The following CDYL variants were observed in gnomAD, a reference collection of about 807,000 sequenced individuals.
CDYL encodes chromodomain Y-like protein.
In CDYL, 8 loss-of-function variants were observed where a neutral mutation model predicts 47.3. The ratio of observed to expected loss-of-function variants is 0.17; its 90% CI spans 0.10 to 0.31. CDYL has a LOEUF of 0.31. CDYL is among the 10% of genes least tolerant of loss of function. The pLI, the probability that CDYL is intolerant of heterozygous loss-of-function variation, is 1.00. For missense variants in CDYL, 471 were observed against 701.4 expected, an observed-to-expected ratio of 0.67 and a Z score of 3.71; for synonymous variants, 266 against 265.0, an observed-to-expected ratio of 1.00 and a Z score of -0.04.
At chr6:4,723,190 T>G (rs552926097) in intron 2 of CDYL, among the ~76,000 whole-genome samples, 1 of 152,210 alleles carries the variant, frequency 6.6e-6, no homozygotes, top group Non-Finnish European at 1.5e-5. Context: ...ACTATTTACA[T>G]AGCATTTACA....
chr6:4,720,179 G>A (rs777259432), intron 2 of CDYL, among the ~76,000 whole-genome samples: 8 of 152,200 alleles, frequency 5.3e-5, no homozygotes, highest in Non-Finnish European at 8.8e-5. Flanking sequence ...AAAAAAACTT[G>A]TAAACATTGA....
intron 6 of CDYL, 100 bp downstream of exon 6, chr6:4,952,509 TTG>T: frequency 7.4e-7 from 1 of 1,354,202 alleles, no homozygotes; most frequent in East Asian, 2.5e-5. Context: ...TCCTTTACGT[TTG>T]TCCTCAACAG....
chr6:4,709,400 G>T (rs985605253), intron 1 of CDYL, among the ~76,000 whole-genome samples: 1 of 152,180 alleles, frequency 6.6e-6, no homozygotes, highest in African/African-American at 2.4e-5. Context: ...ATTTCATCAT[G>T]TTGGTCAAGC....
At chr6:4,946,214 A>ATGG (rs1758512453) in intron 5 of CDYL, among the ~76,000 whole-genome samples, 1 of 152,084 alleles carries the variant, frequency 6.6e-6, no homozygotes, top group African/African-American at 2.4e-5. Context: ...TGCCCCCTCC[A>ATGG]TGGCGGATGC....
At chr6:4,888,169 T>A (rs1761949203) in intron 1 of CDYL, among the ~76,000 whole-genome samples, 1 of 152,128 alleles carries the variant, frequency 6.6e-6, no homozygotes, top group Non-Finnish European at 1.5e-5. Context: ...ATGTCTTTTG[T>A]TTTGGTATTA....
rs183976011 is a variant in CDYL at position 4,896,466 on chromosome 6, C to T, written c.691+4087C>T. On this transcript the variant is annotated intron_variant, in intron 2 of 6. Transcript: ENST00000397588. Reference sequence around the variant, plus strand: ...TGGAGTGATTCCAGTAGAATGGGTGCGCATGGAAGACAAGGGTTGTTGTAA... The same window carrying T: ...TGGAGTGATTCCAGTAGAATGGGTGTGCATGGAAGACAAGGGTTGTTGTAA... Among the ~76,000 whole-genome samples, 240 of 152,172 alleles carry T rather than the reference C, an allele frequency of 1.6e-3. 1 individual carries two copies. The highest frequency in any genetic ancestry group is 2.3e-3 in the Non-Finnish European group (157 of 68,006).
intron 3 of CDYL, among the ~76,000 whole-genome samples, chr6:4,752,357 A>G (rs946804157): frequency 6.6e-6 from 1 of 152,176 alleles, no homozygotes; most frequent in Non-Finnish European, 1.5e-5. Context: ...TTAAAGCTGT[A>G]AGTCATTCAG....
At chr6:4,855,102 C>T (rs73364577) in intron 1 of CDYL, among the ~76,000 whole-genome samples, 5,179 of 152,094 alleles carry the variant, frequency 0.034, 300 homozygotes, top group African/African-American at 0.12. Context: ...CTGGATAATA[C>T]GCTTAGGATT....
At chr6:4,874,397 CCCACTGTGTG>C (rs1344003086) in intron 1 of CDYL, among the ~76,000 whole-genome samples, 8 of 152,074 alleles carry the variant, frequency 5.3e-5, no homozygotes, top group African/African-American at 1.9e-4. Context: ...CGAGGCCTTC[CCCACTGTGTG>C]CCTGGCAGGA....
chr6:4,867,526 G>C (rs568236459), intron 1 of CDYL, among the ~76,000 whole-genome samples: 1 of 152,202 alleles, frequency 6.6e-6, no homozygotes. Context: ...TTTTGGTCAT[G>C]AAATGGTGTT....
At chr6:4,918,825 T>G (rs989787880) in intron 2 of CDYL, among the ~76,000 whole-genome samples, 6 of 152,224 alleles carry the variant, frequency 3.9e-5, no homozygotes, top group African/African-American at 1.4e-4. Context: ...CACTTCGATT[T>G]CCTTTGGGTT....
At chr6:4,788,459 G>T (rs533060247) in intron 1 of CDYL, among the ~76,000 whole-genome samples, 2 of 136,316 alleles carry the variant, frequency 1.5e-5, no homozygotes, top group South Asian at 5.1e-4. Context: ...CTCCAGCCTG[G>T]GTGACAGAGT....
At chr6:4,722,607 T>C (rs575187568) in intron 2 of CDYL, among the ~76,000 whole-genome samples, 323 of 152,176 alleles carry the variant, frequency 2.1e-3, no homozygotes, top group Non-Finnish European at 3.2e-3. Flanking sequence ...CCAGGCACAG[T>C]GGCTCATGCC....
intron 1 of CDYL, among the ~76,000 whole-genome samples, chr6:4,801,103 C>T (rs1369006262): frequency 1.3e-5 from 2 of 152,086 alleles, no homozygotes; most frequent in Non-Finnish European, 2.9e-5. Flanking sequence ...TCAGATTATT[C>T]TGTATTCAGG....
In CDYL at chr6:4,809,605, A is replaced by G. The variant is rs578202718; in HGVS notation, c.24+32798A>G. On this transcript the variant is annotated intron_variant, in intron 1 of 6. Coordinates refer to ENST00000397588, the MANE Select transcript of CDYL (RefSeq NM_004824.4). ...ATATTAGTCCTTGGTGATCCTTTGTATGGTAGGGGTATTATATTAGTCCTT... is the reference window on the plus strand; with the variant it reads ...ATATTAGTCCTTGGTGATCCTTTGTGTGGTAGGGGTATTATATTAGTCCTT... 8.0e-5 allele frequency among the ~76,000 whole-genome samples: 12 copies of G among 150,368 alleles called. No homozygotes were observed. In the South Asian group the frequency reaches 2.3e-3, roughly 29 times the overall value.
intron 1 of CDYL, among the ~76,000 whole-genome samples, chr6:4,835,394 T>G (rs1172898033): frequency 6.6e-6 from 1 of 152,206 alleles, no homozygotes; most frequent in African/African-American, 2.4e-5. Context: ...TGGTTTATCA[T>G]GAACCACGAA....
At chr6:4,874,403 G>A (rs1761563034) in intron 1 of CDYL, among the ~76,000 whole-genome samples, 1 of 152,086 alleles carries the variant, frequency 6.6e-6, no homozygotes, top group East Asian at 1.9e-4. Context: ...CTTCCCCACT[G>A]TGTGCCTGGC....
intron 1 of CDYL, among the ~76,000 whole-genome samples, chr6:4,801,418 T>G (rs1452656509): frequency 6.6e-6 from 1 of 152,234 alleles, no homozygotes; most frequent in Non-Finnish European, 1.5e-5. Flanking sequence ...AGATTTCCTA[T>G]TTTTTTCTTG....
At position 4,891,658 on chromosome 6, in the gene CDYL, C is replaced by T; in HGVS notation, c.25-55C>T. On this transcript the variant is annotated intron_variant, in intron 1 of 6. Transcript: ENST00000397588. ...TTGATGTTTCCTAATGAAACTTGCA[C>T]TTTTCCCCCCAAATTTTGATTTTTT... The T allele has an allele frequency of 2.8e-6, 4 of 1,438,200 alleles. No individual in the cohort carries two copies. The East Asian group carries it at 9.8e-5, about 35-fold the overall frequency. The allele number at this position is 1,438,200 out of a possible 1,614,324, so 89.1% of individuals were successfully genotyped here. A position where few individuals can be genotyped will look rare whatever the true frequency, so the allele number is the denominator to read the frequency against.
Sources: gnomAD v4.1 joint callset for allele counts (sites outside exome capture counted in the v4.1 genomes callset) on GRCh38, gnomAD v4.1.1 for gene constraint, MANE v1.5 for transcripts, NCBI Gene and HGNC (gene_info 2026-07-23, HGNC 2026-07-21) for gene names.